APP: variants seen among roughly 807,000 people sequenced by gnomAD.
APP encodes the protein amyloid-beta precursor protein.
Under a neutral mutation model 101.4 loss-of-function variants are expected in APP, and 31 were observed. The ratio of observed to expected loss-of-function variants is 0.31; its 90% confidence interval spans 0.23 to 0.41. The LOEUF is 0.41. Ranked by LOEUF, APP falls within the 10% of genes least tolerant of loss-of-function variation. APP has a pLI of 1.00. For missense variants in APP, 839 were observed against 1,003.7 expected, an observed-to-expected ratio of 0.84 and a Z score of 2.22; for synonymous variants, 366 against 364.4, an observed-to-expected ratio of 1.00 and a Z score of -0.05.
At chr21:26,063,645 A>G (rs1243625006) in intron 3 of APP, among the ~76,000 whole-genome samples, 1 of 152,256 alleles carries the variant, frequency 6.6e-6, no homozygotes, top group Non-Finnish European at 1.5e-5. Context: ...ATTAGAAATC[A>G]AAGTACAATG....
At chr21:26,125,575 G>C (rs940733884) in intron 1 of APP, among the ~76,000 whole-genome samples, 1 of 152,040 alleles carries the variant, frequency 6.6e-6, no homozygotes, top group Non-Finnish European at 1.5e-5. Context: ...GAGCACATTC[G>C]GTGCGGTGTT....
At chr21:25,974,570 T>A (rs988816678) in intron 11 of APP, among the ~76,000 whole-genome samples, 1 of 152,130 alleles carries the variant, frequency 6.6e-6, no homozygotes, top group Admixed American at 6.5e-5. Context: ...AAATTTAAGT[T>A]CTATGAACCA....
At chr21:25,962,295 C>A (rs1168464318) in intron 11 of APP, among the ~76,000 whole-genome samples, 4 of 152,048 alleles carry the variant, frequency 2.6e-5, no homozygotes, top group Non-Finnish European at 2.9e-5. Flanking sequence ...ACATCATTTA[C>A]AGCAAGAGGA....
chr21:26,065,625 G>C (rs535424182), intron 3 of APP, among the ~76,000 whole-genome samples: 1 of 152,138 alleles, frequency 6.6e-6, no homozygotes, highest in Non-Finnish European at 1.5e-5. Flanking sequence ...CAAAGCTAAT[G>C]ACAGAGGTGG....
At chr21:26,155,866 G>A (rs1601590327) in intron 1 of APP, among the ~76,000 whole-genome samples, 1 of 151,958 alleles carries the variant, frequency 6.6e-6, no homozygotes, top group Admixed American at 6.6e-5. Context: ...GAGTGGTGGC[G>A]GAAGCCTGTA....
At chr21:25,917,382 GATA>G (rs1183573415) in intron 13 of APP, among the ~76,000 whole-genome samples, 1 of 151,662 alleles carries the variant, frequency 6.6e-6, no homozygotes, top group Admixed American at 6.6e-5. Flanking sequence ...AACATCAAAA[GATA>G]ATAATTTCAT....
intron 5 of APP, among the ~76,000 whole-genome samples, chr21:26,043,474 G>T (rs891922266): frequency 3.3e-5 from 5 of 151,874 alleles, no homozygotes; most frequent in Admixed American, 3.3e-4. Flanking sequence ...CAAGAGATCT[G>T]CCAGCCTCGG....
chr21:25,964,723 C>T (rs1213873402), intron 11 of APP, among the ~76,000 whole-genome samples: 3 of 151,780 alleles, frequency 2.0e-5, no homozygotes, highest in Non-Finnish European at 2.9e-5. Context: ...GCCTCAGCCT[C>T]CCGAGTAGCT....
chr21:25,947,089 T>C (rs2040856990), intron 13 of APP, among the ~76,000 whole-genome samples: 2 of 152,220 alleles, frequency 1.3e-5, no homozygotes, highest in South Asian at 4.1e-4. Flanking sequence ...TGTTTGCCAA[T>C]GGTAAAACTA....
chr21:25,964,636 T>C (rs1191146388), intron 11 of APP, among the ~76,000 whole-genome samples: 2 of 149,702 alleles, frequency 1.3e-5, no homozygotes, highest in African/African-American at 4.9e-5. Context: ...TGAGACGGAG[T>C]TTCACTCTTG....
chr21:25,964,853 G>T (rs1375080877), intron 11 of APP, among the ~76,000 whole-genome samples: 1 of 152,136 alleles, frequency 6.6e-6, no homozygotes, highest in Non-Finnish European at 1.5e-5. Context: ...ACCCGCCTTG[G>T]CCTCCCAAAG....
At chr21:25,918,576 A>G (rs1343701425) in intron 13 of APP, among the ~76,000 whole-genome samples, 1 of 152,060 alleles carries the variant, frequency 6.6e-6, no homozygotes, top group African/African-American at 2.4e-5. Context: ...TGGGAAGCGC[A>G]AGGGGTCAGG....
At chr21:25,883,822 G>A (rs2037150085) in intron 17 of APP, among the ~76,000 whole-genome samples, 1 of 152,230 alleles carries the variant, frequency 6.6e-6, no homozygotes, top group South Asian at 2.1e-4. Context: ...ACTACCAGTG[G>A]CTAATCCCAA....
chr21:25,991,049 C>T (rs1175847129), intron 8 of APP, among the ~76,000 whole-genome samples: 1 of 152,142 alleles, frequency 6.6e-6, no homozygotes, highest in Non-Finnish European at 1.5e-5. Context: ...GGCCATTATT[C>T]TAAGTGAAGT....
At chr21:25,969,426 G>A (rs1043459116) in intron 11 of APP, among the ~76,000 whole-genome samples, 5 of 150,966 alleles carry the variant, frequency 3.3e-5, no homozygotes, top group East Asian at 1.9e-4. Context: ...TAAGTGCCAG[G>A]TCAAGCCATA....
intron 13 of APP, among the ~76,000 whole-genome samples, chr21:25,925,062 T>TA (rs1167803378): frequency 6.6e-6 from 1 of 152,206 alleles, no homozygotes; most frequent in Non-Finnish European, 1.5e-5. Context: ...ATCATACCTC[T>TA]ACGCTCTCTT....
chr21:26,035,476 G>A (rs1348973544), intron 5 of APP, among the ~76,000 whole-genome samples: 3 of 152,120 alleles, frequency 2.0e-5, no homozygotes, highest in Non-Finnish European at 4.4e-5. Flanking sequence ...GGGAGGAGCT[G>A]GGTCAAATAC....
intron 1 of APP, among the ~76,000 whole-genome samples, chr21:26,121,190 T>A (rs144810771): frequency 6.6e-6 from 1 of 152,232 alleles, no homozygotes; most frequent in Non-Finnish European, 1.5e-5. Flanking sequence ...TTTTGCTGCA[T>A]AGACCTAGCC....
At chr21:25,965,343 T>C (rs1470063035) in intron 11 of APP, among the ~76,000 whole-genome samples, 2 of 152,210 alleles carry the variant, frequency 1.3e-5, no homozygotes, top group African/African-American at 4.8e-5. Flanking sequence ...CTGTGACATA[T>C]TCTTGACTTT....
Sources: allele counts gnomAD v4.1 joint callset (sites outside exome capture counted in the v4.1 genomes callset), GRCh38; gene constraint gnomAD v4.1.1; transcripts MANE v1.5; gene names NCBI Gene and HGNC (gene_info 2026-07-23, HGNC 2026-07-21).